ADGRL3: variants seen among roughly 807,000 people sequenced by gnomAD.
ADGRL3 encodes adhesion G protein-coupled receptor L3.
A neutral mutation model predicts 153.5 loss-of-function variants in ADGRL3; 62 were observed. The ratio of observed to expected loss-of-function variants is 0.40; its 90% CI spans 0.33 to 0.50. ADGRL3 has a LOEUF of 0.50. Among genes scored for constraint, ADGRL3 ranks in the 20% least tolerant of loss-of-function variants. The probability of loss-of-function intolerance (pLI) is 0.47; values close to 1 mark genes in which losing one functional copy is unlikely to be tolerated. For synonymous variants in ADGRL3, 710 were observed against 672.5 expected, an observed-to-expected ratio of 1.06 and a Z score of -0.86; for missense variants, 1,641 against 1,859.4, an observed-to-expected ratio of 0.88 and a Z score of 2.16.
intron 8 of ADGRL3, among the ~76,000 whole-genome samples, chr4:61,811,986 A>G (rs967021724): frequency 1.4e-4 from 22 of 152,172 alleles, no homozygotes; most frequent in African/African-American, 4.8e-4. Flanking sequence ...AATATTACAT[A>G]CGATATTACG....
At chr4:61,561,796 AATT>A (rs750921007) in intron 4 of ADGRL3, among the ~76,000 whole-genome samples, 4 of 151,600 alleles carry the variant, frequency 2.6e-5, no homozygotes, top group Non-Finnish European at 4.4e-5. Context: ...TTGACTTTAG[AATT>A]ATTATTATTA....
intron 4 of ADGRL3, among the ~76,000 whole-genome samples, chr4:61,561,886 C>A (rs922897126): frequency 2.6e-5 from 4 of 152,002 alleles, no homozygotes; most frequent in Non-Finnish European, 5.9e-5. Flanking sequence ...GCAATCGTAC[C>A]ACCTCAGCCT....
At chr4:61,280,428 T>C (rs995354446) in intron 1 of ADGRL3, among the ~76,000 whole-genome samples, 1 of 149,018 alleles carries the variant, frequency 6.7e-6, no homozygotes, top group African/African-American at 2.5e-5. Context: ...GAAGTATAAA[T>C]TAATGAAAAT....
chr4:61,714,361 T>TACAC (rs554875994), intron 6 of ADGRL3, among the ~76,000 whole-genome samples: 170 of 149,940 alleles, frequency 1.1e-3, no homozygotes, highest in African/African-American at 3.9e-3. Flanking sequence ...TATACTTGAG[T>TACAC]ACACACACAC....
chr4:61,418,512 C>T (rs1443977739), intron 2 of ADGRL3, among the ~76,000 whole-genome samples: 1 of 144,786 alleles, frequency 6.9e-6, no homozygotes, highest in Non-Finnish European at 1.5e-5. Flanking sequence ...ATGGTCTGTG[C>T]CTTTGTCTTT....
At chr4:61,324,165 C>G (rs978447143) in intron 1 of ADGRL3, among the ~76,000 whole-genome samples, 2 of 152,110 alleles carry the variant, frequency 1.3e-5, no homozygotes, top group African/African-American at 4.8e-5. Context: ...GGGTTCCTCT[C>G]ACAACACTTG....
At chr4:61,767,333 A>C (rs927823573) in intron 8 of ADGRL3, among the ~76,000 whole-genome samples, 3 of 150,322 alleles carry the variant, frequency 2.0e-5, no homozygotes, top group African/African-American at 7.5e-5. Flanking sequence ...GTATTGTCTA[A>C]GTTGGCACCA....
At chr4:61,435,856 A>T (rs1175410575) in intron 2 of ADGRL3, among the ~76,000 whole-genome samples, 1 of 152,128 alleles carries the variant, frequency 6.6e-6, no homozygotes, top group African/African-American at 2.4e-5. Context: ...TAAAGTTATC[A>T]ATGGGAAGTT....
intron 2 of ADGRL3, among the ~76,000 whole-genome samples, chr4:61,426,032 G>A (rs2097275712): frequency 6.6e-6 from 1 of 152,206 alleles, no homozygotes; most frequent in Non-Finnish European, 1.5e-5. Context: ...CCCCACTGGG[G>A]CTGGGCCACC....
At chr4:62,010,400 C>T (rs2099180016) in intron 21 of ADGRL3, among the ~76,000 whole-genome samples, 1 of 152,012 alleles carries the variant, frequency 6.6e-6, no homozygotes, top group South Asian at 2.1e-4. Context: ...TGCCAGGAAT[C>T]AGGTACGAAG....
intron 1 of ADGRL3, among the ~76,000 whole-genome samples, chr4:61,258,151 G>C (rs1413505532): frequency 2.0e-5 from 3 of 152,134 alleles, no homozygotes; most frequent in African/African-American, 7.2e-5. Context: ...ATGGACTTGT[G>C]GACCAGGTCC....
intron 9 of ADGRL3, among the ~76,000 whole-genome samples, chr4:61,853,190 A>T (rs186523564): frequency 2.0e-3 from 301 of 151,910 alleles, no homozygotes; most frequent in Middle Eastern, 0.014. Flanking sequence ...ACCAGCCCCC[A>T]TCCTGATGCC....
chr4:61,208,561 T>C (rs1239090124), intron 1 of ADGRL3, among the ~76,000 whole-genome samples: 1 of 152,204 alleles, frequency 6.6e-6, no homozygotes, highest in East Asian at 1.9e-4. Context: ...TGTCTTAAAA[T>C]GTTAGTAAAT....
intron 4 of ADGRL3, among the ~76,000 whole-genome samples, chr4:61,555,815 A>G (rs2098763216): frequency 6.6e-6 from 1 of 152,186 alleles, no homozygotes; most frequent in African/African-American, 2.4e-5. Context: ...TTTAGACCAT[A>G]TAGGGTAACT....
intron 4 of ADGRL3, among the ~76,000 whole-genome samples, chr4:61,529,931 T>C (rs2152952342): frequency 6.6e-6 from 1 of 152,332 alleles, no homozygotes; most frequent in South Asian, 2.1e-4. Flanking sequence ...GGCTTTGAAA[T>C]CACTACATGT....
chr4:61,438,710 C>CTT (rs11372072), intron 2 of ADGRL3, among the ~76,000 whole-genome samples: 2,431 of 137,894 alleles, frequency 0.018, 31 homozygotes, highest in Non-Finnish European at 0.027. Context: ...ATCTTTCTTT[C>CTT]TTTTTTTTTT....
At chr4:61,970,294 G>C (rs1473533235) in intron 17 of ADGRL3, among the ~76,000 whole-genome samples, 1 of 152,058 alleles carries the variant, frequency 6.6e-6, no homozygotes, top group Non-Finnish European at 1.5e-5. Flanking sequence ...AAATGCTAAG[G>C]ATAAAATTTT....
chr4:61,351,268 A>G (rs1204946054), intron 1 of ADGRL3, among the ~76,000 whole-genome samples: 1 of 152,170 alleles, frequency 6.6e-6, no homozygotes, highest in African/African-American at 2.4e-5. Context: ...GCAGCTGTAG[A>G]AGAAAAGTTT....
chr4:61,989,564 T>G (rs1449142853), intron 19 of ADGRL3, among the ~76,000 whole-genome samples: 1 of 152,044 alleles, frequency 6.6e-6, no homozygotes, highest in Admixed American at 6.6e-5. Context: ...ACTGAAGGGT[T>G]ATTGTGTCAC....
Sources: gnomAD v4.1 joint callset for allele counts (sites outside exome capture counted in the v4.1 genomes callset) on GRCh38, gnomAD v4.1.1 for gene constraint, MANE v1.5 for transcripts, NCBI Gene and HGNC (gene_info 2026-07-23, HGNC 2026-07-21) for gene names.